The following USP47 variants were observed in gnomAD, a reference collection of about 807,000 sequenced individuals.
USP47 encodes the protein ubiquitin specific peptidase 47, also known as ubiquitin carboxyl-terminal hydrolase 47.
A neutral mutation model predicts 165.1 loss-of-function variants in USP47; 35 were observed. That is an observed-to-expected ratio of 0.21 (90% CI 0.16 to 0.28). The LOEUF is 0.28. Ranked by LOEUF, USP47 falls within the 10% of genes least tolerant of loss-of-function variation. USP47 has a pLI of 1.00. For synonymous variants in USP47, 531 were observed against 544.5 expected (o/e 0.98, Z 0.35); for missense variants, 1,277 against 1,607.4 (o/e 0.79, Z 3.52).
rs1418166987 is a variant in USP47 at position 11,942,387 on chromosome 11, C to G, written c.2366C>G (p.Ser789Cys). Reference sequence around the variant, plus strand: ...GATTACCAGATGGCCTTTGCAGACTCTCATTTATGGAAACTCCTGGATCGG... The same window carrying G: ...GATTACCAGATGGCCTTTGCAGACTGTCATTTATGGAAACTCCTGGATCGG... ...TLDYQMAFAD[S>C]HLWKLLDRHA... The change falls in exon 20 of 28, where the codon TCT becomes TGT. Residue 789 changes from serine to cysteine, a missense_variant. Physicochemically the swap from Ser to Cys is moderately radical, Grantham distance 112. Coordinates refer to ENST00000527733, the MANE Select transcript of USP47 (RefSeq NM_001282659.2). 2 of 1,612,972 alleles carry G rather than the reference C, an allele frequency of 1.2e-6. No homozygotes were observed. Among genetic ancestry groups the G allele is most frequent in the Non-Finnish European group, 1.7e-6 (2 of 1,179,446 alleles).
rs1847262718 is a variant in USP47 at position 11,957,600 on chromosome 11, G to A, written c.*1425G>A. The A allele has an allele frequency of 5.9e-5, 9 of 152,530 alleles. No individual in the cohort carries two copies. Among genetic ancestry groups the A allele is most frequent in the Admixed American group, 5.9e-4 (9 of 15,266 alleles). The allele number at this position is 152,530 out of a possible 1,614,324, so 9.4% of individuals were successfully genotyped here. On this transcript the variant is annotated 3_prime_UTR_variant, in exon 28 of 28. Transcript: ENST00000527733. ...TTGTCATCTTTAAATATGACATTTT[G>A]TAATGTGTATTGGATATCTCATTTC...
intron 10 of USP47, among the ~76,000 whole-genome samples, 190 bp downstream of exon 10, chr11:11,920,684 A>T (rs528841515): frequency 6.6e-6 from 1 of 152,028 alleles, no homozygotes; most frequent in East Asian, 1.9e-4. Context: ...TCCTGACTGC[A>T]TAAATTATAT....
intron 5 of USP47, among the ~76,000 whole-genome samples, chr11:11,901,034 G>A (rs572207013): frequency 6.6e-6 from 1 of 152,316 alleles, no homozygotes; most frequent in South Asian, 2.1e-4. Context: ...AATAGAAGAG[G>A]GGAGGATTAA....
chr11:11,846,669 G>C (rs1848445435), intron 1 of USP47, among the ~76,000 whole-genome samples: 2 of 152,096 alleles, frequency 1.3e-5, no homozygotes, highest in Non-Finnish European at 2.9e-5. Context: ...TAACTCATTT[G>C]AGCTTCACAG....
At chr11:11,842,784 G>T (rs572303693) in intron 1 of USP47, among the ~76,000 whole-genome samples, 2 of 151,892 alleles carry the variant, frequency 1.3e-5, no homozygotes, top group Admixed American at 1.3e-4. Context: ...TAGTACATGG[G>T]ACATTAATGT....
At chr11:11,914,695 A>G (rs1429707921) in intron 8 of USP47, among the ~76,000 whole-genome samples, 5 of 152,200 alleles carry the variant, frequency 3.3e-5, no homozygotes, top group Non-Finnish European at 5.9e-5. Flanking sequence ...CATCTAGACA[A>G]TTGGCAAAAG....
chr11:11,871,512 AAAAAAAAAAAAAAAAAAAAAAAAAAAG>A (rs1850052139), intron 1 of USP47, among the ~76,000 whole-genome samples: 1 of 45,932 alleles, frequency 2.2e-5, no homozygotes. Flanking sequence ...AAAAAAAAAA[AAAAAAAAAAAAAAAAAAAAAAAAAAAG>A]AATTCTGGTT....
intron 16 of USP47, among the ~76,000 whole-genome samples, chr11:11,934,481 G>A (rs1854909359): frequency 1.3e-5 from 2 of 152,114 alleles, no homozygotes; most frequent in Admixed American, 1.3e-4. Flanking sequence ...AAAAAGTTGA[G>A]GAAGAATATA....
At chr11:11,879,417 G>A (rs752632296) in intron 1 of USP47, among the ~76,000 whole-genome samples, 8 of 152,116 alleles carry the variant, frequency 5.3e-5, no homozygotes, top group Non-Finnish European at 2.9e-5. Flanking sequence ...TATCTTTGAT[G>A]TAGTCTTTTA....
At chr11:11,890,936 C>T (rs1391561666) in intron 3 of USP47, among the ~76,000 whole-genome samples, 1 of 152,132 alleles carries the variant, frequency 6.6e-6, no homozygotes, top group Non-Finnish European at 1.5e-5. Flanking sequence ...TACATGTTCT[C>T]ACTTATAAGT....
intron 9 of USP47, 36 bp from the exon 10 acceptor site, chr11:11,920,306 A>G: frequency 1.9e-6 from 3 of 1,607,478 alleles, no homozygotes; most frequent in Non-Finnish European, 1.7e-6. Context: ...TTCCATATTC[A>G]ATAGACTCTC....
chr11:11,855,876 C>G (rs1849009679), intron 1 of USP47, among the ~76,000 whole-genome samples: 1 of 152,108 alleles, frequency 6.6e-6, no homozygotes, highest in South Asian at 2.1e-4. Flanking sequence ...TGGCCTAGTT[C>G]TAGATCCTAG....
intron 5 of USP47, among the ~76,000 whole-genome samples, chr11:11,900,174 T>TTC (rs2134434319): frequency 6.8e-6 from 1 of 146,868 alleles, no homozygotes; most frequent in South Asian, 2.2e-4. Flanking sequence ...TTTTTTTTTT[T>TTC]TTTTGAGACG....
At chr11:11,955,975 A>G in intron 27 of USP47, 26 bp from the exon 28 acceptor site, 2 of 1,520,740 alleles carry the variant, frequency 1.3e-6, no homozygotes, top group African/African-American at 1.4e-5. Context: ...TACTGGACTA[A>G]TATGTGATTA....
chr11:11,955,944 A>G (rs1856534815), intron 27 of USP47, 57 bp from the exon 28 acceptor site: 2 of 1,358,416 alleles, frequency 1.5e-6, no homozygotes, highest in Non-Finnish European at 2.0e-6. Flanking sequence ...TCAAGCATAC[A>G]TTAATAGAGG....
At chr11:11,922,685 GT>G in intron 10 of USP47, 38 bp from the exon 11 acceptor site, 1 of 1,563,390 alleles carries the variant, frequency 6.4e-7, no homozygotes, top group Non-Finnish European at 8.7e-7. Context: ...TATTTTCTCT[GT>G]ATATGGTTTA....
At chr11:11,876,720 A>G (rs1356530262) in intron 1 of USP47, among the ~76,000 whole-genome samples, 1 of 152,184 alleles carries the variant, frequency 6.6e-6, no homozygotes, top group Non-Finnish European at 1.5e-5. Flanking sequence ...GCTTCCTCAC[A>G]GCATGCTGAT....
intron 2 of USP47, among the ~76,000 whole-genome samples, chr11:11,882,572 C>T (rs1000428729): frequency 6.6e-6 from 1 of 152,088 alleles, no homozygotes; most frequent in Non-Finnish European, 1.5e-5. Context: ...CACATAATTT[C>T]CAGTGTTGTC....
intron 11 of USP47, among the ~76,000 whole-genome samples, chr11:11,925,153 G>T (rs1854140117): frequency 6.6e-6 from 1 of 151,544 alleles, no homozygotes. Context: ...TGTCGCCCAG[G>T]CTCCAGTGAA....
Sources: allele counts gnomAD v4.1 joint callset (sites outside exome capture counted in the v4.1 genomes callset), GRCh38; gene constraint gnomAD v4.1.1; transcripts MANE v1.5; gene names NCBI Gene and HGNC (gene_info 2026-07-23, HGNC 2026-07-21).